The following FAM193A variants were observed in gnomAD, a reference collection of about 807,000 sequenced individuals.
The protein encoded by FAM193A is family with sequence similarity 193 member A.
Under a neutral mutation model 126.5 loss-of-function variants are expected in FAM193A, and 22 were observed. The ratio of observed to expected loss-of-function variants is 0.17; its 90% confidence interval spans 0.12 to 0.25. The LOEUF (loss-of-function observed/expected upper bound fraction) is 0.25. Among genes scored for constraint, FAM193A ranks in the 10% least tolerant of loss-of-function variants. FAM193A has a pLI of 1.00. For synonymous variants in FAM193A, 761 were observed against 646.8 expected (o/e 1.18, Z -2.68); for missense variants, 1,675 against 1,672.8 (o/e 1.00, Z -0.02).
chr4:2,672,184 C>A lies in FAM193A; in HGVS notation c.2143C>A (p.Pro715Thr). The A allele has an allele frequency of 7.4e-6, 12 of 1,614,170 alleles. No homozygotes were observed. The highest frequency in any genetic ancestry group is 1.0e-5 in the Non-Finnish European group (12 of 1,180,014). The change falls in exon 13 of 21, where the codon CCA becomes ACA. Residue 715 changes from proline to threonine, a missense_variant. Pro to Thr is a conservative substitution (Grantham distance 38). Around this residue, in one of 4 missense-constraint regions of FAM193A, gnomAD observed 1,186 missense variants for 1,109.2 expected, o/e 1.07. Transcript: ENST00000637812. ...VCKQEASGLTPSAMTAGALPP... is the reference protein window; with the variant it reads ...VCKQEASGLTTSAMTAGALPP... Reference sequence around the variant, plus strand: ...TAAGCAGGAAGCTTCTGGACTGACACCATCTGCAATGACAGCCGGAGCCCT... The same window carrying A: ...TAAGCAGGAAGCTTCTGGACTGACAACATCTGCAATGACAGCCGGAGCCCT...
At chr4:2,554,394 C>G (rs998555475) in intron 1 of FAM193A, among the ~76,000 whole-genome samples, 3 of 152,126 alleles carry the variant, frequency 2.0e-5, no homozygotes, top group Admixed American at 6.6e-5. Flanking sequence ...ACCTGTATCT[C>G]TCTATTACTG....
At position 2,580,577 on chromosome 4, in the gene FAM193A, A is replaced by G. The variant is rs147600597; in HGVS notation, c.256-15507A>G. ...GAGGTGGGTCTTCATGAATGACTTCATGAATGTCCTCCCCATGGTAATGAA... is the reference window on the plus strand; with the variant it reads ...GAGGTGGGTCTTCATGAATGACTTCGTGAATGTCCTCCCCATGGTAATGAA... On this transcript the variant is annotated intron_variant, in intron 1 of 20. Transcript: ENST00000637812. Among the ~76,000 whole-genome samples, 4 of 152,256 alleles carry G rather than the reference A, an allele frequency of 2.6e-5. No homozygotes were observed. The East Asian group carries it at 5.8e-4, about 22-fold the overall frequency.
chr4:2,691,377 G>A (rs539634141), intron 15 of FAM193A, among the ~76,000 whole-genome samples: 4 of 152,256 alleles, frequency 2.6e-5, no homozygotes, highest in Non-Finnish European at 2.9e-5. Flanking sequence ...CACCACGCAC[G>A]GCTAATTTCT....
intron 1 of FAM193A, among the ~76,000 whole-genome samples, chr4:2,539,057 A>C (rs538147032): frequency 1.3e-5 from 2 of 151,476 alleles, no homozygotes; most frequent in South Asian, 4.2e-4. Context: ...TGCCTGGCTA[A>C]TTTTTTTTGT....
rs1043309341 is a variant in FAM193A at position 2,536,822 on chromosome 4, C to G, written c.-94C>G. The G allele has an allele frequency of 6.8e-6, 1 of 147,568 alleles. No homozygotes were observed. Among genetic ancestry groups the G allele is most frequent in the Middle Eastern group, 3.4e-3 (1 of 292 alleles). 9.1% of individuals were successfully genotyped at this position (147,568 alleles called of 1,614,324 possible). On this transcript the variant is annotated 5_prime_UTR_variant, in exon 1 of 21. Transcript: ENST00000637812. ...GCGCCCCCCGGCTGGCCGGAGCGCCCGCCGCCGCGGCCGCCTCAGCCTCCC... is the reference window on the plus strand; with the variant it reads ...GCGCCCCCCGGCTGGCCGGAGCGCCGGCCGCCGCGGCCGCCTCAGCCTCCC...
intron 6 of FAM193A, among the ~76,000 whole-genome samples, chr4:2,643,097 G>C (rs1019461424): frequency 2.0e-5 from 3 of 152,094 alleles, no homozygotes; most frequent in Non-Finnish European, 4.4e-5. Flanking sequence ...GCAGTTGAGG[G>C]AGAAGGATAA....
At chr4:2,678,886 C>T (rs527799113) in intron 13 of FAM193A, among the ~76,000 whole-genome samples, 3 of 152,286 alleles carry the variant, frequency 2.0e-5, no homozygotes, top group East Asian at 3.9e-4. Flanking sequence ...AATTTTACTT[C>T]TTCCTTTCCA....
intron 13 of FAM193A, 149 bp downstream of exon 13, chr4:2,672,521 A>G: frequency 1.2e-6 from 1 of 812,180 alleles, no homozygotes; most frequent in Non-Finnish European, 1.9e-6. Flanking sequence ...TCCTTTCACC[A>G]TAATCTCTTA....
At chr4:2,549,395 CTTTTTTTT>C (rs869161808) in intron 1 of FAM193A, among the ~76,000 whole-genome samples, 16 of 122,640 alleles carry the variant, frequency 1.3e-4, no homozygotes, top group East Asian at 2.2e-4. Context: ...TTCTTTTTTT[CTTTTTTTT>C]TTTTTTTTTT....
intron 20 of FAM193A, among the ~76,000 whole-genome samples, chr4:2,728,588 C>A (rs1283647260): frequency 6.6e-6 from 1 of 152,056 alleles, no homozygotes; most frequent in African/African-American, 2.4e-5. Context: ...GGGCCTGGGG[C>A]TGAAATTTTG....
At chr4:2,621,232 C>G (rs1742528887) in intron 2 of FAM193A, among the ~76,000 whole-genome samples, 2 of 152,172 alleles carry the variant, frequency 1.3e-5, no homozygotes, top group Non-Finnish European at 2.9e-5. Flanking sequence ...ACACATTGTA[C>G]CTACCTGCTG....
chr4:2,681,683 C>T (rs1458994294), intron 13 of FAM193A, among the ~76,000 whole-genome samples: 1 of 152,124 alleles, frequency 6.6e-6, no homozygotes, highest in African/African-American at 2.4e-5. Context: ...AGGTTGGTCT[C>T]AAACTCCTGG....
chr4:2,626,678 A>T (rs529423975), intron 4 of FAM193A, 101 bp downstream of exon 4: 35 of 615,818 alleles, frequency 5.7e-5, no homozygotes, highest in African/African-American at 4.7e-4. Flanking sequence ...TACAGTGCTC[A>T]GCTGGGTTTG....
At chr4:2,653,465 G>T (rs995392068) in intron 7 of FAM193A, among the ~76,000 whole-genome samples, 10 of 151,748 alleles carry the variant, frequency 6.6e-5, no homozygotes, top group African/African-American at 2.2e-4. Flanking sequence ...TTTTTTTTTA[G>T]ACAGAGTCTC....
In FAM193A at chr4:2,640,866, G is replaced by T. The variant is rs146569495; in HGVS notation, c.1163+1007G>T. Among the ~76,000 whole-genome samples, 154 of 151,688 alleles carry T rather than the reference G, an allele frequency of 1.0e-3. 1 individual carries two copies. The highest frequency in any genetic ancestry group is 3.6e-3 in the African/African-American group (148 of 41,422). On this transcript the variant is annotated intron_variant, in intron 6 of 20. Transcript: ENST00000637812. ...TGTGATCCTGGCTACTTGGGAGTCT[G>T]AGGCAAGAGAATTGCTTGAACCCCA...
intron 1 of FAM193A, among the ~76,000 whole-genome samples, chr4:2,537,457 C>T (rs1169290883): frequency 1.3e-5 from 2 of 152,202 alleles, no homozygotes; most frequent in Non-Finnish European, 2.9e-5. Flanking sequence ...CGGGCTGGTC[C>T]GCAGGCTGGA....
intron 19 of FAM193A, among the ~76,000 whole-genome samples, chr4:2,707,096 G>A (rs557259754): frequency 1.3e-5 from 2 of 151,904 alleles, no homozygotes; most frequent in East Asian, 1.9e-4. Flanking sequence ...CGCTCCAGCC[G>A]AGGCAACAGA....
intron 1 of FAM193A, among the ~76,000 whole-genome samples, chr4:2,593,417 C>T (rs1461132128): frequency 2.6e-5 from 4 of 152,240 alleles, no homozygotes; most frequent in African/African-American, 9.6e-5. Context: ...GCCATGTCGG[C>T]TTCGGGGGTC....
At chr4:2,728,315 C>G (rs903752169) in intron 20 of FAM193A, among the ~76,000 whole-genome samples, 2 of 131,878 alleles carry the variant, frequency 1.5e-5, no homozygotes, top group Non-Finnish European at 3.1e-5. Flanking sequence ...GAGTATCTTT[C>G]CACCTCAGTC....
Sources: allele counts gnomAD v4.1 joint callset (sites outside exome capture counted in the v4.1 genomes callset), GRCh38; gene constraint gnomAD v4.1.1; regional missense constraint gnomAD v4.1.1; transcripts MANE v1.5; gene names NCBI Gene and HGNC (gene_info 2026-07-23, HGNC 2026-07-21).